The following DPYD variants were observed in gnomAD, a reference collection of about 807,000 sequenced individuals.
DPYD encodes the protein dihydropyrimidine dehydrogenase.
A neutral mutation model predicts 116.2 loss-of-function variants in DPYD; 109 were observed. The observed-to-expected ratio is 0.94, with a 90% CI of 0.80 to 1.10. The LOEUF (loss-of-function observed/expected upper bound fraction) is 1.10, where lower values mean the gene tolerates loss of function less well. DPYD is among the 50% of genes least tolerant of loss of function. DPYD has a pLI of 0.00. For missense variants in DPYD, 1,302 were observed against 1,254.5 expected, an observed-to-expected ratio of 1.04 and a Z score of -0.57; for synonymous variants, 440 against 432.0, an observed-to-expected ratio of 1.02 and a Z score of -0.23.
chr1:97,848,271 G>T (rs1670405392), intron 2 of DPYD, among the ~76,000 whole-genome samples: 1 of 152,074 alleles, frequency 6.6e-6, no homozygotes, highest in African/African-American at 2.4e-5. Flanking sequence ...CTAACTTTTT[G>T]TATTTTTAGT....
At chr1:97,627,022 A>G (rs1442454354) in intron 8 of DPYD, among the ~76,000 whole-genome samples, 1 of 152,048 alleles carries the variant, frequency 6.6e-6, no homozygotes, top group Non-Finnish European at 1.5e-5. Context: ...TCAGTGTGTC[A>G]GCATGTCTGG....
intron 13 of DPYD, among the ~76,000 whole-genome samples, chr1:97,496,263 C>T (rs986835629): frequency 5.9e-5 from 9 of 152,034 alleles, no homozygotes; most frequent in African/African-American, 9.7e-5. Context: ...TTCTTCCTTA[C>T]TGTATTACAC....
At chr1:97,081,717 C>CTTTT (rs371355751) in intron 22 of DPYD, among the ~76,000 whole-genome samples, 8 of 136,460 alleles carry the variant, frequency 5.9e-5, no homozygotes, top group Non-Finnish European at 9.4e-5. Flanking sequence ...CTTTTCTTTT[C>CTTTT]TTTTTTTTTT....
At chr1:97,197,169 A>G (rs1334599801) in intron 19 of DPYD, among the ~76,000 whole-genome samples, 4 of 152,214 alleles carry the variant, frequency 2.6e-5, no homozygotes, top group Non-Finnish European at 5.9e-5. Context: ...TCTGTTTCTC[A>G]GGAGGAACAA....
At chr1:97,737,968 A>G (rs1372912804) in intron 4 of DPYD, among the ~76,000 whole-genome samples, 1 of 152,174 alleles carries the variant, frequency 6.6e-6, no homozygotes, top group Non-Finnish European at 1.5e-5. Flanking sequence ...TGTAACACAT[A>G]GTATACATTT....
intron 8 of DPYD, among the ~76,000 whole-genome samples, chr1:97,670,433 G>A (rs373559549): frequency 1.3e-5 from 2 of 152,268 alleles, no homozygotes; most frequent in South Asian, 2.1e-4. Context: ...AAGAAGAAAC[G>A]TCAGAGGTCT....
At chr1:97,093,172 T>C (rs1187933674) in intron 21 of DPYD, among the ~76,000 whole-genome samples, 10 of 152,156 alleles carry the variant, frequency 6.6e-5, no homozygotes, top group Admixed American at 6.6e-4. Context: ...TTTTATCTTG[T>C]TAGTGTGATT....
chr1:97,267,274 T>C (rs1337165717), intron 18 of DPYD, among the ~76,000 whole-genome samples: 1 of 152,226 alleles, frequency 6.6e-6, no homozygotes, highest in African/African-American at 2.4e-5. Context: ...ATTTCTCTGA[T>C]GACCAGTGAT....
intron 8 of DPYD, among the ~76,000 whole-genome samples, chr1:97,664,720 C>G (rs2100877604): frequency 6.6e-6 from 1 of 152,164 alleles, no homozygotes; most frequent in South Asian, 2.1e-4. Context: ...TCTGATCCTA[C>G]AGAAACAAGG....
intron 20 of DPYD, among the ~76,000 whole-genome samples, chr1:97,182,670 T>C (rs2101801902): frequency 6.6e-6 from 1 of 152,166 alleles, no homozygotes; most frequent in East Asian, 1.9e-4. Flanking sequence ...TACAGGGCCA[T>C]ACAATGAACT....
rs769709846 is a variant in DPYD, at chr1:97,593,321, T to C, written c.1025A>G (p.Asp342Gly). The C allele has an allele frequency of 6.8e-6, 11 of 1,613,974 alleles. No homozygotes were observed. The highest frequency in any genetic ancestry group is 9.3e-6 in the Non-Finnish European group (11 of 1,180,030). The change falls in exon 10 of 23, where the codon GAC becomes GGC. Residue 342 changes from aspartate (D) to glycine (G), a missense_variant. Coordinates refer to ENST00000370192, the MANE Select transcript of DPYD (RefSeq NM_000110.4). ...AGATGTTGCACAGTCAAAGGCAGTG[T>C]CTCCAGCTCCAAGTACAATCACGAC... ...RGVVIVLGAG[D>G]TAFDCATSAL...
intron 8 of DPYD, among the ~76,000 whole-genome samples, chr1:97,644,959 T>A (rs963903975): frequency 1.3e-5 from 2 of 152,192 alleles, no homozygotes; most frequent in African/African-American, 2.4e-5. Flanking sequence ...TACTTTTTTA[T>A]GCAAATTATA....
At chr1:97,867,063 T>G (rs1334429081) in intron 2 of DPYD, among the ~76,000 whole-genome samples, 1 of 151,784 alleles carries the variant, frequency 6.6e-6, no homozygotes, top group East Asian at 1.9e-4. Context: ...TTTTAATGTC[T>G]GAGGACAAGG....
intron 8 of DPYD, among the ~76,000 whole-genome samples, chr1:97,620,659 T>G: frequency 6.6e-6 from 1 of 152,184 alleles, no homozygotes; most frequent in East Asian, 1.9e-4. Flanking sequence ...TGGACAGGAA[T>G]CCACATTTAC....
chr1:97,822,772 C>T (rs116481942), intron 3 of DPYD, among the ~76,000 whole-genome samples: 2,796 of 152,028 alleles, frequency 0.018, 99 homozygotes, highest in African/African-American at 0.063. Context: ...TCAAAAACTT[C>T]CCACCAAACT....
chr1:97,183,937 GCCCCAGT>G (rs986088666), intron 20 of DPYD, among the ~76,000 whole-genome samples: 4 of 151,812 alleles, frequency 2.6e-5, no homozygotes, highest in African/African-American at 9.7e-5. Flanking sequence ...CCTCAAGTAG[GCCCCAGT>G]GTTTGTTGTT....
chr1:97,357,463 C>A (rs1670484752), intron 16 of DPYD, among the ~76,000 whole-genome samples: 2 of 151,900 alleles, frequency 1.3e-5, no homozygotes, highest in East Asian at 1.9e-4. Context: ...TATTTGCATG[C>A]ATTTAATTTC....
intron 6 of DPYD, among the ~76,000 whole-genome samples, chr1:97,696,516 G>A (rs746959845): frequency 6.6e-6 from 1 of 152,040 alleles, no homozygotes; most frequent in Non-Finnish European, 1.5e-5. Flanking sequence ...ACAGAAGACA[G>A]AATTTAATAG....
chr1:97,228,326 T>A (rs1212731648), intron 19 of DPYD, among the ~76,000 whole-genome samples: 1 of 152,136 alleles, frequency 6.6e-6, no homozygotes, highest in Non-Finnish European at 1.5e-5. Context: ...AAATTAGCTT[T>A]CCATTCTTGA....
Sources: gnomAD v4.1 joint callset for allele counts (sites outside exome capture counted in the v4.1 genomes callset) on GRCh38, gnomAD v4.1.1 for gene constraint, MANE v1.5 for transcripts, NCBI Gene and HGNC (gene_info 2026-07-23, HGNC 2026-07-21) for gene names.